The following WAPL variants were observed in gnomAD, a reference collection of about 807,000 sequenced individuals.
WAPL encodes wings apart-like protein homolog.
A neutral mutation model predicts 121.0 loss-of-function variants in WAPL; 5 were observed. That is an observed-to-expected ratio of 0.04 (90% CI 0.02 to 0.09). The LOEUF (loss-of-function observed/expected upper bound fraction) is 0.09. Ranked by LOEUF, WAPL falls within the 10% of genes least tolerant of loss-of-function variation. WAPL has a pLI of 1.00. For synonymous variants in WAPL, 480 were observed against 481.5 expected (o/e 1.00, Z 0.04); for missense variants, 999 against 1,410.8 (o/e 0.71, Z 4.68).
intron 15 of WAPL, 55 bp downstream of exon 15, chr10:86,451,912 T>C (rs1840990403): frequency 1.3e-6 from 2 of 1,589,416 alleles, no homozygotes; most frequent in East Asian, 2.2e-5. Flanking sequence ...ATAAAAGAAA[T>C]TGGACAAATC....
chr10:86,469,254 T>TCTCAAAATCACTCAGATCAGGTAG lies in WAPL; in HGVS notation c.2142+1737_2142+1738insCTACCTGATCTGAGTGATTTTGAG, dbSNP rs1564571374. ...GGTTGAACCAAATAATTTTTTTTTTTTTTTTTTTTTTTTTTTGAGACGGAG... is the reference window on the plus strand; with the variant it reads ...GGTTGAACCAAATAATTTTTTTTTTTCTCAAAATCACTCAGATCAGGTAGTTTTTTTTTTTTTTTTGAGACGGAG... On this transcript the variant is annotated intron_variant, in intron 8 of 18. Coordinates refer to ENST00000298767, the MANE Select transcript of WAPL (RefSeq NM_015045.5). Among the ~76,000 whole-genome samples, 5 of 3,884 alleles carry TCTCAAAATCACTCAGATCAGGTAG rather than the reference T, an allele frequency of 1.3e-3. 2 individuals carry two copies. The Non-Finnish European group carries it at 0.017, about 13-fold the overall frequency. 2.5% of individuals were successfully genotyped at this position (3,884 alleles called of 152,430 possible).
At chr10:86,514,724 G>A (rs144112275) in intron 2 of WAPL, among the ~76,000 whole-genome samples, 144 of 152,276 alleles carry the variant, frequency 9.5e-4, no homozygotes, top group Non-Finnish European at 1.7e-3. Flanking sequence ...TATATTGTCC[G>A]CAAAGCTACA....
At chr10:86,453,017 C>CAAAAA (rs34469657) in intron 14 of WAPL, among the ~76,000 whole-genome samples, 1 of 58,280 alleles carries the variant, frequency 1.7e-5, no homozygotes. Flanking sequence ...CTCCATCTCC[C>CAAAAA]AAAAAAAAAA....
chr10:86,518,226 T>C (rs1020916211), intron 1 of WAPL, 135 bp from the exon 2 acceptor site: 21 of 852,170 alleles, frequency 2.5e-5, no homozygotes, highest in Non-Finnish European at 3.5e-5. Context: ...TAAACAAATA[T>C]GAGGAAGGGG....
At chr10:86,448,476 C>G (rs1353557180) in intron 15 of WAPL, among the ~76,000 whole-genome samples, 1 of 152,152 alleles carries the variant, frequency 6.6e-6, no homozygotes, top group African/African-American at 2.4e-5. Flanking sequence ...CAAAAAGCTA[C>G]TAGTTTGCAG....
chr10:86,516,422 T>C (rs1297682104), intron 2 of WAPL, among the ~76,000 whole-genome samples: 3 of 152,202 alleles, frequency 2.0e-5, no homozygotes, highest in Admixed American at 2.0e-4. Context: ...AAAGGACAAA[T>C]TTGCCTTAAG....
chr10:86,457,788 T>C (rs1433609922), intron 12 of WAPL, among the ~76,000 whole-genome samples: 1 of 152,138 alleles, frequency 6.6e-6, no homozygotes, highest in Non-Finnish European at 1.5e-5. Context: ...AATTAGAATA[T>C]TGACTAAACA....
At chr10:86,485,762 C>A (rs1210782374) in intron 4 of WAPL, among the ~76,000 whole-genome samples, 1 of 152,016 alleles carries the variant, frequency 6.6e-6, no homozygotes, top group Non-Finnish European at 1.5e-5. Context: ...TGGTTTGGAA[C>A]AAACACACTG....
chr10:86,458,842 CTT>C (rs1243096070), intron 12 of WAPL, 145 bp downstream of exon 12: 58 of 543,018 alleles, frequency 1.1e-4, no homozygotes, highest in South Asian at 2.5e-4. Flanking sequence ...ACTCTTAAAA[CTT>C]TTGTTACACA....
intron 17 of WAPL, among the ~76,000 whole-genome samples, chr10:86,441,486 G>A (rs1849469963): frequency 1.3e-5 from 2 of 151,874 alleles, no homozygotes. Flanking sequence ...TCTACCTGGT[G>A]AGGGGTGAGA....
intron 12 of WAPL, among the ~76,000 whole-genome samples, chr10:86,455,859 AG>A (rs1456008273): frequency 5.3e-5 from 8 of 152,186 alleles, no homozygotes; most frequent in Non-Finnish European, 1.0e-4. Flanking sequence ...CAAATGGAAA[AG>A]AAGGCGATAT....
At chr10:86,441,586 A>T (rs1250040094) in intron 17 of WAPL, among the ~76,000 whole-genome samples, 1 of 151,892 alleles carries the variant, frequency 6.6e-6, no homozygotes, top group Non-Finnish European at 1.5e-5. Context: ...AAAAAAAAAA[A>T]AACTATAGAG....
At chr10:86,483,794 CTTTTTTTTTTT>C (rs35725128) in intron 4 of WAPL, among the ~76,000 whole-genome samples, 101 of 69,226 alleles carry the variant, frequency 1.5e-3, no homozygotes, top group African/African-American at 5.1e-3. Flanking sequence ...ATTTTTTTTT[CTTTTTTTTTTT>C]TTTTTTTTTT....
chr10:86,490,333 A>T (rs1842019556), intron 4 of WAPL, among the ~76,000 whole-genome samples: 1 of 152,168 alleles, frequency 6.6e-6, no homozygotes, highest in Non-Finnish European at 1.5e-5. Flanking sequence ...TTCTGACACT[A>T]TCACTTTGCA....
chr10:86,470,944 A>C, intron 8 of WAPL, 48 bp downstream of exon 8: 3 of 1,454,566 alleles, frequency 2.1e-6, no homozygotes, highest in Non-Finnish European at 2.9e-6. Context: ...CAAATAGACT[A>C]GTAGTTTTCA....
intron 10 of WAPL, among the ~76,000 whole-genome samples, chr10:86,460,928 G>C (rs989705480): frequency 6.6e-6 from 1 of 152,098 alleles, no homozygotes; most frequent in Non-Finnish European, 1.5e-5. Flanking sequence ...GGTCAGGCTG[G>C]TCTCAAACTC....
chr10:86,447,716 T>C (rs866402950), intron 15 of WAPL, among the ~76,000 whole-genome samples: 5 of 152,306 alleles, frequency 3.3e-5, no homozygotes, highest in Middle Eastern at 3.4e-3. Context: ...TCTGACACAA[T>C]TCCTAAACCA....
intron 2 of WAPL, among the ~76,000 whole-genome samples, chr10:86,506,598 G>A (rs1842354044): frequency 6.6e-6 from 1 of 152,102 alleles, no homozygotes; most frequent in African/African-American, 2.4e-5. Context: ...GACCAGCCTA[G>A]GCAACAAAGC....
intron 9 of WAPL, among the ~76,000 whole-genome samples, chr10:86,466,010 T>C (rs1300495248): frequency 6.6e-6 from 1 of 152,144 alleles, no homozygotes; most frequent in East Asian, 1.9e-4. Flanking sequence ...ATCACCAATA[T>C]GTGAATGGAA....
Sources: allele counts gnomAD v4.1 joint callset (sites outside exome capture counted in the v4.1 genomes callset), GRCh38; gene constraint gnomAD v4.1.1; transcripts MANE v1.5; gene names NCBI Gene and HGNC (gene_info 2026-07-23, HGNC 2026-07-21).